Variants in QTRT2 observed in about 807,000 individuals in gnomAD.
QTRT2 encodes the protein queuine tRNA-ribosyltransferase domain containing 1.
Under a neutral mutation model 44.8 loss-of-function variants are expected in QTRT2, and 32 were observed. The ratio of observed to expected loss-of-function variants is 0.71; its 90% CI spans 0.54 to 0.96. The LOEUF is 0.96. Among genes scored for constraint, QTRT2 ranks in the 40% least tolerant of loss-of-function variants. The pLI is 0.00. For synonymous variants in QTRT2, 182 were observed against 187.4 expected, an observed-to-expected ratio of 0.97 and a Z score of 0.24; for missense variants, 461 against 503.1, an observed-to-expected ratio of 0.92 and a Z score of 0.80.
intron 2 of QTRT2, among the ~76,000 whole-genome samples, chr3:114,064,811 C>G (rs1225301953): frequency 6.6e-6 from 1 of 152,124 alleles, no homozygotes; most frequent in Non-Finnish European, 1.5e-5. Context: ...GCTTAGCCTT[C>G]CCTCAAATTG....
Position 114,085,766 on chromosome 3 carries a change from C to G in QTRT2, c.1110C>G (p.Thr370=), listed in dbSNP as rs747562294. 6.2e-7 allele frequency: 1 copy of G among 1,614,152 alleles called. No individual in the cohort carries two copies. Among genetic ancestry groups the G allele is most frequent in the Non-Finnish European group, 8.5e-7 (1 of 1,180,008 alleles). Residue 370 remains threonine, a synonymous_variant, in exon 10 of 10, where the codon ACC becomes ACG. Coordinates refer to ENST00000281273, the MANE Select transcript of QTRT2 (RefSeq NM_024638.4). ...CATACATCCACCATCTGCTGGTGAC[C>G]AATGAGCTGCTGGCCGGAGTCCTGC... ...TRAYIHHLLV[T]NELLAGVLLM... is the part of the protein sequence containing the mutation.
intron 6 of QTRT2, 93 bp from the exon 7 acceptor site, chr3:114,076,650 T>C (rs894997451): frequency 8.6e-7 from 1 of 1,164,042 alleles, no homozygotes; most frequent in African/African-American, 1.5e-5. Context: ...TTCACTGAGG[T>C]CTCTTCTATA....
intron 5 of QTRT2, among the ~76,000 whole-genome samples, chr3:114,069,215 TA>T (rs1412175995): frequency 6.6e-6 from 1 of 152,168 alleles, no homozygotes; most frequent in Non-Finnish European, 1.5e-5. Flanking sequence ...ATCTGTAGGG[TA>T]ACCAAAGATA....
Position 114,070,874 on chromosome 3 carries a change from C to T in QTRT2, c.546+36C>T, listed in dbSNP as rs192160081. The T allele has an allele frequency of 2.0e-5, 31 of 1,545,516 alleles. No individual in the cohort carries two copies. The Admixed American group carries it at 3.7e-4, about 18-fold the overall frequency. On this transcript the variant is annotated intron_variant, in intron 6 of 9. Coordinates refer to ENST00000281273, the MANE Select transcript of QTRT2 (RefSeq NM_024638.4). ...GCCACTAACCACTCCTTTCTCTTGA[C>T]ACTCTTGCCTCCCTTACATTCTGTG...
intron 8 of QTRT2, among the ~76,000 whole-genome samples, chr3:114,082,204 C>CACACACA: frequency 7.2e-6 from 1 of 138,866 alleles, no homozygotes; most frequent in African/African-American, 2.7e-5. Context: ...GATAACCCCA[C>CACACACA]CACACACACA....
chr3:114,082,203 A>ACCAC (rs1241794520), intron 8 of QTRT2, among the ~76,000 whole-genome samples: 1 of 94,792 alleles, frequency 1.1e-5, no homozygotes, highest in Non-Finnish European at 2.0e-5. Flanking sequence ...TGATAACCCC[A>ACCAC]CCACACACAC....
intron 9 of QTRT2, among the ~76,000 whole-genome samples, chr3:114,084,059 T>C (rs2077202100): frequency 6.6e-6 from 1 of 150,802 alleles, no homozygotes; most frequent in Non-Finnish European, 1.5e-5. Context: ...TTCACTTTTT[T>C]CTTTTTTTTT....
At chr3:114,060,746 A>G (rs1354174112) in intron 2 of QTRT2, among the ~76,000 whole-genome samples, 1 of 152,148 alleles carries the variant, frequency 6.6e-6, no homozygotes, top group East Asian at 1.9e-4. Flanking sequence ...CTTTTCTCAT[A>G]AGGGATCACT....
chr3:114,058,188 T>C (rs1040182971), intron 2 of QTRT2, among the ~76,000 whole-genome samples: 8 of 152,266 alleles, frequency 5.3e-5, no homozygotes, highest in Non-Finnish European at 1.2e-4. Flanking sequence ...TAGTTGCTAT[T>C]ATTGTCTTTC....
In QTRT2 at chr3:114,056,770, T is replaced by G. The variant is rs1283301655; in HGVS notation, c.-224T>G. The G allele has an allele frequency of 1.2e-5, 18 of 1,495,586 alleles. No individual in the cohort carries two copies. Among genetic ancestry groups the G allele is most frequent in the Non-Finnish European group, 1.6e-5 (18 of 1,117,610 alleles). The allele number at this position is 1,495,586 out of a possible 1,614,324, so 92.6% of individuals were successfully genotyped here. On this transcript the variant is annotated 5_prime_UTR_variant, in exon 1 of 10. Coordinates refer to ENST00000281273, the MANE Select transcript of QTRT2 (RefSeq NM_024638.4). ...CTGATTGGCTCTGCACTGGAGGCAG[T>G]GATTTTGGGGCAGAGAATTTTGCAA... is the stretch of plus-strand genomic sequence containing the variant.
At position 114,086,792 on chromosome 3, in the gene QTRT2, C is replaced by T. The variant is rs1371542558; in HGVS notation, c.*888C>T. ...TCAGATATGACTCCTGGGCAATTCA[C>T]TTAACTTCTCCATGGCTGCTTCCTG... On this transcript the variant is annotated 3_prime_UTR_variant, in exon 10 of 10. Coordinates refer to ENST00000281273, the MANE Select transcript of QTRT2 (RefSeq NM_024638.4). 6.6e-6 allele frequency: 1 copy of T among 152,286 alleles called. No individual in the cohort carries two copies. The highest frequency in any genetic ancestry group is 1.5e-5 in the Non-Finnish European group (1 of 68,076). The allele number at this position is 152,286 out of a possible 1,614,324, so 9.4% of individuals were successfully genotyped here. A position where few individuals can be genotyped will look rare whatever the true frequency, so the allele number is the denominator to read the frequency against.
chr3:114,075,626 A>C (rs752740611), intron 6 of QTRT2, among the ~76,000 whole-genome samples: 34 of 149,714 alleles, frequency 2.3e-4, no homozygotes, highest in South Asian at 1.3e-3. Context: ...CTCCCACCTC[A>C]GCCTCCCGAG....
At chr3:114,067,604 T>A (rs2076971112) in intron 4 of QTRT2, among the ~76,000 whole-genome samples, 1 of 152,202 alleles carries the variant, frequency 6.6e-6, no homozygotes, top group South Asian at 2.1e-4. Flanking sequence ...TGTGGGCATA[T>A]CATTTTATCT....
chr3:114,075,920 C>T (rs910608062), intron 6 of QTRT2, among the ~76,000 whole-genome samples: 1 of 152,088 alleles, frequency 6.6e-6, no homozygotes, highest in Non-Finnish European at 1.5e-5. Flanking sequence ...CTTGTATAAC[C>T]ATATTTTTTA....
intron 8 of QTRT2, 122 bp downstream of exon 8, chr3:114,080,179 T>G: frequency 2.7e-6 from 2 of 743,152 alleles, no homozygotes; most frequent in Non-Finnish European, 4.3e-6. Context: ...ACTACATCTC[T>G]GTTTCTTATC....
chr3:114,056,764 A>G lies in QTRT2; in HGVS notation c.-230A>G. On this transcript the variant is annotated 5_prime_UTR_variant, in exon 1 of 10. Coordinates refer to ENST00000281273, the MANE Select transcript of QTRT2 (RefSeq NM_024638.4). The stretch of plus-strand genomic sequence containing the variant: ...TACTCCCTGATTGGCTCTGCACTGG[A>G]GGCAGTGATTTTGGGGCAGAGAATT... The G allele has an allele frequency of 1.4e-6, 2 of 1,472,040 alleles. No individual in the cohort carries two copies. The highest frequency in any genetic ancestry group is 1.8e-6 in the Non-Finnish European group (2 of 1,097,020). 91.2% of individuals were successfully genotyped at this position (1,472,040 alleles called of 1,614,324 possible).
intron 5 of QTRT2, 113 bp from the exon 6 acceptor site, chr3:114,070,513 A>G (rs1373482462): frequency 1.2e-6 from 1 of 862,584 alleles, no homozygotes; most frequent in Non-Finnish European, 1.8e-6. Flanking sequence ...TGGATATTGA[A>G]TTGTCACCAT....
intron 3 of QTRT2, among the ~76,000 whole-genome samples, 183 bp from the exon 4 acceptor site, chr3:114,066,044 GA>G (rs2076949678): frequency 6.6e-6 from 1 of 152,214 alleles, no homozygotes; most frequent in South Asian, 2.1e-4. Context: ...CTAGCAAGTT[GA>G]AGGCCTTCGT....
At chr3:114,058,761 C>T (rs1310146930) in intron 2 of QTRT2, among the ~76,000 whole-genome samples, 2 of 152,154 alleles carry the variant, frequency 1.3e-5, no homozygotes, top group Non-Finnish European at 2.9e-5. Context: ...GAACTCCTGA[C>T]CTTAGGTGTT....
Sources: gnomAD v4.1 joint callset for allele counts (sites outside exome capture counted in the v4.1 genomes callset) on GRCh38, gnomAD v4.1.1 for gene constraint, MANE v1.5 for transcripts, NCBI Gene and HGNC (gene_info 2026-07-23, HGNC 2026-07-21) for gene names.